The following TTN variants were observed in gnomAD, a reference collection of about 807,000 sequenced individuals.
TTN encodes the protein titin.
Under a neutral mutation model 3,223.0 loss-of-function variants are expected in TTN, and 1,525 were observed. The observed-to-expected ratio is 0.47, with a 90% confidence interval of 0.45 to 0.49. TTN has a LOEUF of 0.49. TTN is among the 20% of genes least tolerant of loss of function. The pLI is 0.00. For synonymous variants in TTN, 14,094 were observed against 15,161.0 expected, an observed-to-expected ratio of 0.93 and a Z score of 5.17; for missense variants, 40,786 against 43,424.0, an observed-to-expected ratio of 0.94 and a Z score of 5.40.
chr2:178,633,557 C>G lies in TTN; in HGVS notation c.42802G>C (p.Glu14268Gln). 1.9e-6 allele frequency: 3 copies of G among 1,613,384 alleles called. No homozygotes were observed. The highest frequency in any genetic ancestry group is 2.5e-6 in the Non-Finnish European group (3 of 1,179,606). Residue 14268 changes from glutamate to glutamine, a missense_variant, in exon 232 of 363, where the codon GAG becomes CAG. By Grantham distance (29) the Glu-to-Gln change is conservative. Transcript: ENST00000589042. ...VPVKWFKDGEEIVPSPKYSIK... is the reference protein window; with the variant it reads ...VPVKWFKDGEQIVPSPKYSIK... Reference sequence around the variant, plus strand: ...GAATATTTGGGTGAAGGGACAATCTCTTCACCATCTTTGAACCATTTCACT... The same window carrying G: ...GAATATTTGGGTGAAGGGACAATCTGTTCACCATCTTTGAACCATTTCACT...
chr2:178,752,804 T>A (rs2085906460), intron 47 of TTN, among the ~76,000 whole-genome samples: 1 of 152,062 alleles, frequency 6.6e-6, no homozygotes, highest in Non-Finnish European at 1.5e-5. Context: ...AAAACAAACT[T>A]CTACTTCATG....
At chr2:178,798,478 A>G (rs1049654894) in intron 6 of TTN, 5 of 152,178 alleles carry the variant, frequency 3.3e-5, no homozygotes, top group Non-Finnish European at 7.4e-5. Flanking sequence ...TTTTCTAGAT[A>G]AAATAACACA....
intron 157 of TTN, 75 bp from the exon 158 acceptor site, chr2:178,669,750 C>T: frequency 6.8e-7 from 1 of 1,466,188 alleles, no homozygotes; most frequent in Non-Finnish European, 9.5e-7. Flanking sequence ...CTAGAAGGGG[C>T]ATCTAACAAG....
In TTN at chr2:178,713,520, A is replaced by G. The variant is rs1279930624; in HGVS notation, c.26762-148T>C. 2.1e-5 allele frequency: 26 copies of G among 1,228,924 alleles called. No homozygotes were observed. The South Asian group carries it at 4.1e-4, about 19-fold the overall frequency. The allele number at this position is 1,228,924 out of a possible 1,614,324, so 76.1% of individuals were successfully genotyped here. A position where few individuals can be genotyped will look rare whatever the true frequency, so the allele number is the denominator to read the frequency against. On this transcript the variant is annotated intron_variant, in intron 92 of 362. Coordinates refer to ENST00000589042, the MANE Select transcript of TTN (RefSeq NM_001267550.2). Reference sequence around the variant, plus strand: ...TTGTGACGGTATTAAAAACTCCTCTATGGGTTCACACTATCAAAAGCTTGG... The same window carrying G: ...TTGTGACGGTATTAAAAACTCCTCTGTGGGTTCACACTATCAAAAGCTTGG...
At chr2:178,543,799 C>G (rs759804421) in intron 346 of TTN, 35 bp downstream of exon 346, 1 of 1,607,170 alleles carries the variant, frequency 6.2e-7, no homozygotes, top group African/African-American at 1.3e-5. Flanking sequence ...AGAGGATCTA[C>G]TCATTGTATA....
Position 178,621,138 on chromosome 2 carries a change from C to T in TTN, c.45580G>A (p.Gly15194Arg), listed in dbSNP as rs747277540. The T allele has an allele frequency of 1.9e-6, 3 of 1,612,558 alleles. No homozygotes were observed. The highest frequency in any genetic ancestry group is 1.7e-6 in the Non-Finnish European group (2 of 1,179,254). The stretch of plus-strand genomic sequence containing the variant: ...AAGTGAGCTGCTGCTCTGGCGGCCC[C>T]TACCATGACAACGTAAGTGCCCATA... ...QDMGTYVVMV[G>R]AARAAAHLTV... Residue 15194 changes from glycine (G) to arginine (R), a missense_variant, in exon 246 of 363, where the codon GGG (glycine) becomes AGG (arginine). Gly to Arg is a moderately radical substitution (Grantham distance 125). Transcript: ENST00000589042.
rs555767787 is a variant in TTN at position 178,527,336 on chromosome 2, C to A, written c.107681-29G>T. ...TATGGAACAATGACAAAAAAAAGGT[C>A]TTAGAATCACTGAAAAAAATAAAGA... On this transcript the variant is annotated intron_variant, in intron 362 of 362. Coordinates refer to ENST00000589042, the MANE Select transcript of TTN (RefSeq NM_001267550.2). 607 of 1,568,910 alleles carry A rather than the reference C, an allele frequency of 3.9e-4. 1 individual carries two copies. In the South Asian group the frequency reaches 6.6e-3, roughly 17 times the overall value.
Position 178,720,139 on chromosome 2 carries a change from C to A in TTN, c.23503G>T (p.Val7835Phe). 1 of 1,613,792 alleles carries A rather than the reference C, an allele frequency of 6.2e-7. No individual in the cohort carries two copies. Among genetic ancestry groups the A allele is most frequent in the Non-Finnish European group, 8.5e-7 (1 of 1,179,718 alleles). The change falls in exon 81 of 363, where the codon GTC becomes TTC. Residue 7835 changes from valine (V) to phenylalanine (F), a missense_variant. Physicochemically the swap from Val to Phe is conservative, Grantham distance 50 (BLOSUM62 -1). Coordinates refer to ENST00000589042, the MANE Select transcript of TTN (RefSeq NM_001267550.2). ...CTGGTATTTTCACTCTCTCTGATGACTTCACCTCTATCTTTCAGCCAGACA... is the reference window on the plus strand; with the variant it reads ...CTGGTATTTTCACTCTCTCTGATGAATTCACCTCTATCTTTCAGCCAGACA... ...SVVWLKDRGE[V>F]IRESENTRIS...
intron 133 of TTN, 46 bp downstream of exon 133, chr2:178,683,953 T>A: frequency 6.9e-7 from 1 of 1,453,262 alleles, no homozygotes. Context: ...TTTTAGTGTC[T>A]GGATGCTTAT....
Position 178,782,575 on chromosome 2 carries a change from G to C in TTN, c.3128C>G (p.Thr1043Arg). 6.2e-7 allele frequency: 1 copy of C among 1,614,012 alleles called. No homozygotes were observed. The highest frequency in any genetic ancestry group is 1.1e-5 in the South Asian group (1 of 91,070). The part of the protein sequence containing the change: ...QVSEEFEKET[T>R]AVTEKFTTEE... ...TGTAGTAAATTTCTCAGTCACGGCT[G>C]TGGTTTCCTTTTCAAATTCTTCTGA... Residue 1043 changes from threonine (T) to arginine (R), a missense_variant, in exon 19 of 363, where the codon ACA becomes AGA. Coordinates refer to ENST00000589042, the MANE Select transcript of TTN (RefSeq NM_001267550.2).
Position 178,534,441 on chromosome 2 carries a change from C to T in TTN, c.102174G>A (p.Arg34058=), listed in dbSNP as rs1419519602. 6.2e-7 allele frequency: 1 copy of T among 1,612,674 alleles called. No individual in the cohort carries two copies. Among genetic ancestry groups the T allele is most frequent in the Admixed American group, 1.7e-5 (1 of 60,008 alleles). Residue 34058 remains arginine (R), a synonymous_variant, in exon 358 of 363, where the codon AGG becomes AGA. Coordinates refer to ENST00000589042, the MANE Select transcript of TTN (RefSeq NM_001267550.2). Reference sequence around the variant, plus strand: ...CCTCCGATGCTGTCATGCGAGATTTCCTCTCTTTCACTAACAACCGGTCAA... The same window carrying T: ...CCTCCGATGCTGTCATGCGAGATTTTCTCTCTTTCACTAACAACCGGTCAA... ...DFVDRLLVKE[R]KSRMTASEAL...
chr2:178,753,423 T>C (rs1398582454), intron 46 of TTN: 3 of 399,996 alleles, frequency 7.5e-6, no homozygotes, highest in Non-Finnish European at 1.4e-5. Context: ...CTTTTAGTTC[T>C]ATAATTCCCC....
rs371090975 is a variant in TTN, at chr2:178,720,409, A to G, written c.23353T>C (p.Cys7785Arg). The change falls in exon 80 of 363, where the codon TGT (cysteine) becomes CGT (arginine). Residue 7785 changes from cysteine to arginine, a missense_variant. By Grantham distance (180) the Cys-to-Arg change is radical. Transcript: ENST00000589042. ...CCTTTGAACTTGACAGAGCAAGAAC[A>G]CGTGTCACTTCCCACCTCATTAGTA... is the stretch of plus-strand genomic sequence containing the variant. ...KATNEVGSDT[C>R]SCSVKFKEPP... 3.0e-5 allele frequency: 49 copies of G among 1,613,036 alleles called. No individual in the cohort carries two copies. The African/African-American group carries it at 5.3e-4, about 18-fold the overall frequency.
rs1703115388 is a variant in TTN at position 178,560,147 on chromosome 2, T to A, written c.85985A>T (p.Asp28662Val). 6.2e-7 allele frequency: 1 copy of A among 1,613,640 alleles called. No homozygotes were observed. The highest frequency in any genetic ancestry group is 8.5e-7 in the Non-Finnish European group (1 of 1,179,688). The change falls in exon 326 of 363, where the codon GAC becomes GTC. Residue 28662 changes from aspartate to valine, a missense_variant. Physicochemically the swap from Asp to Val is radical, Grantham distance 152. Coordinates refer to ENST00000589042, the MANE Select transcript of TTN (RefSeq NM_001267550.2). ...AATAGTTATAGTTGTCTTGCCTGAG[T>A]CCACAATTTTGGGTTTGGATGGAGG... ...PSPPSKPKIV[D>V]SGKTTITIAW...
chr2:178,764,533 C>G lies in TTN; in HGVS notation c.9982G>C (p.Val3328Leu). The G allele has an allele frequency of 1.9e-6, 3 of 1,614,092 alleles. No individual in the cohort carries two copies. Among genetic ancestry groups the G allele is most frequent in the Non-Finnish European group, 2.5e-6 (3 of 1,179,988 alleles). ...AGTAGCGAGGCATTCCTACCTTCCACTGAGAGTGAAGCTGATGTTGTGGCA... is the reference window on the plus strand; with the variant it reads ...AGTAGCGAGGCATTCCTACCTTCCAGTGAGAGTGAAGCTGATGTTGTGGCA... Reference protein sequence around the residue: ...GVATTSASLSVEVPEVVSPDQ... With the variant: ...GVATTSASLSLEVPEVVSPDQ... The change falls in exon 42 of 363, where the codon GTG becomes CTG. Residue 3328 changes from valine to leucine, a missense_variant. Transcript: ENST00000589042.
Position 178,591,084 on chromosome 2 carries a change from G to T in TTN, c.60641C>A (p.Thr20214Lys). 6.2e-7 allele frequency: 1 copy of T among 1,613,252 alleles called. No individual in the cohort carries two copies. The highest frequency in any genetic ancestry group is 1.1e-5 in the South Asian group (1 of 91,052). Residue 20214 changes from threonine (T) to lysine (K), a missense_variant, in exon 304 of 363, where the codon ACA becomes AAA. Transcript: ENST00000589042. ...GACAACACCCCACGTGTCTTTCCTT[G>T]TATCTTGTTTCTCAACAATATAATT... ...VINYIVEKQD[T>K]RKDTWGVVSS...
Position 178,527,435 on chromosome 2 carries a change from T to G in TTN, c.107680+11A>C. ...GGCTTGTCTACCTCTACCAGTAATT[T>G]TATTGCTCACCTCTTATGCCTGCTT... On this transcript the variant is annotated intron_variant, in intron 362 of 362. Coordinates refer to ENST00000589042, the MANE Select transcript of TTN (RefSeq NM_001267550.2). 1 of 1,607,790 alleles carries G rather than the reference T, an allele frequency of 6.2e-7. No individual in the cohort carries two copies. Among genetic ancestry groups the G allele is most frequent in the Non-Finnish European group, 8.5e-7 (1 of 1,175,158 alleles).
rs2057566660 is a variant in TTN at position 178,617,525 on chromosome 2, A to T, written c.47573-13T>A. The T allele has an allele frequency of 6.4e-7, 1 of 1,571,082 alleles. No homozygotes were observed. Among genetic ancestry groups the T allele is most frequent in the Non-Finnish European group, 8.6e-7 (1 of 1,165,498 alleles). ...GGACTTGGTCTCTCTGGAATAAAAG[A>T]AGGAGTTGGAGCATACCATTTACGT... On this transcript the variant is annotated splice_polypyrimidine_tract_variant and intron_variant, in intron 253 of 362. Coordinates refer to ENST00000589042, the MANE Select transcript of TTN (RefSeq NM_001267550.2).
chr2:178,534,550 T>C lies in TTN; in HGVS notation c.102065A>G (p.Gln34022Arg). The change falls in exon 358 of 363, where the codon CAG becomes CGG. Residue 34022 changes from glutamine to arginine, a missense_variant. Physicochemically the swap from Gln to Arg is conservative, Grantham distance 43. Transcript: ENST00000589042. ...INPFLAETNQ[Q>R]IIENIMNAEY... ...AGCATTCATGATATTCTCAATGATC[T>C]GTTGGTTAGTTTCAGCCAGGAATGG... is the stretch of plus-strand genomic sequence containing the variant. The C allele has an allele frequency of 2.5e-6, 4 of 1,613,904 alleles. No individual in the cohort carries two copies. The highest frequency in any genetic ancestry group is 3.4e-6 in the Non-Finnish European group (4 of 1,179,796).
Sources: allele counts gnomAD v4.1 joint callset (sites outside exome capture counted in the v4.1 genomes callset), GRCh38; gene constraint gnomAD v4.1.1; transcripts MANE v1.5; gene names NCBI Gene and HGNC (gene_info 2026-07-23, HGNC 2026-07-21).